ERC2: variants seen among roughly 807,000 people sequenced by gnomAD.
ERC2 encodes the protein ELKS/RAB6-interacting/CAST family member 2.
A neutral mutation model predicts 114.8 loss-of-function variants in ERC2; 42 were observed. The observed-to-expected ratio is 0.37, with a 90% CI of 0.29 to 0.47. The LOEUF (loss-of-function observed/expected upper bound fraction) is 0.47, where lower values mean the gene tolerates loss of function less well. ERC2 is among the 20% of genes least tolerant of loss of function. ERC2 has a pLI of 0.99. For missense variants in ERC2, 939 were observed against 1,150.7 expected, an observed-to-expected ratio of 0.82 and a Z score of 2.66; for synonymous variants, 454 against 425.5, an observed-to-expected ratio of 1.07 and a Z score of -0.82.
At chr3:55,777,243 G>C (rs775975663) in intron 14 of ERC2, among the ~76,000 whole-genome samples, 1 of 152,024 alleles carries the variant, frequency 6.6e-6, no homozygotes, top group Admixed American at 6.5e-5. Flanking sequence ...TGTGGCATCT[G>C]AGGGCCCATG....
intron 10 of ERC2, among the ~76,000 whole-genome samples, chr3:56,002,577 A>C (rs765492680): frequency 6.6e-6 from 1 of 152,136 alleles, no homozygotes; most frequent in Non-Finnish European, 1.5e-5. Context: ...TGTTATTAGG[A>C]GACTATATTA....
At chr3:55,883,910 CA>C (rs2063237652) in intron 14 of ERC2, among the ~76,000 whole-genome samples, 1 of 151,658 alleles carries the variant, frequency 6.6e-6, no homozygotes, top group African/African-American at 2.4e-5. Flanking sequence ...ACAACAACAA[CA>C]ACAACAACAA....
intron 17 of ERC2, among the ~76,000 whole-genome samples, chr3:55,592,399 C>A (rs562610420): frequency 1.3e-5 from 2 of 152,266 alleles, no homozygotes; most frequent in South Asian, 2.1e-4. Context: ...CTCCCCTCTG[C>A]CCTCTCCTTC....
intron 15 of ERC2, among the ~76,000 whole-genome samples, chr3:55,721,885 C>T (rs1195417171): frequency 1.3e-5 from 2 of 152,176 alleles, no homozygotes; most frequent in Non-Finnish European, 2.9e-5. Flanking sequence ...TGGCCCAGAG[C>T]CACCTTTCTG....
chr3:55,930,752 A>G (rs1052521002), intron 13 of ERC2, among the ~76,000 whole-genome samples: 1 of 152,234 alleles, frequency 6.6e-6, no homozygotes, highest in Non-Finnish European at 1.5e-5. Flanking sequence ...AAATTGACAA[A>G]TGGGATCTAA....
At chr3:56,190,504 G>C (rs1201599450) in intron 3 of ERC2, among the ~76,000 whole-genome samples, 1 of 152,178 alleles carries the variant, frequency 6.6e-6, no homozygotes, top group Non-Finnish European at 1.5e-5. Flanking sequence ...TGCAATCATA[G>C]CTCACTGCAG....
At chr3:55,768,326 C>T (rs888552369) in intron 14 of ERC2, among the ~76,000 whole-genome samples, 3 of 152,310 alleles carry the variant, frequency 2.0e-5, no homozygotes, top group Middle Eastern at 3.4e-3. Flanking sequence ...ATCCATAAGT[C>T]AGTGCCTTCA....
At chr3:56,148,432 C>T (rs2081255922) in intron 5 of ERC2, among the ~76,000 whole-genome samples, 1 of 152,098 alleles carries the variant, frequency 6.6e-6, no homozygotes, top group Admixed American at 6.5e-5. Flanking sequence ...ATTACAGGTG[C>T]ATGTCACCAT....
At chr3:55,602,550 C>T (rs2058451731) in intron 17 of ERC2, among the ~76,000 whole-genome samples, 1 of 152,214 alleles carries the variant, frequency 6.6e-6, no homozygotes, top group Admixed American at 6.5e-5. Flanking sequence ...ATCTCAGTCT[C>T]TGCAGGAGAA....
chr3:55,734,861 T>C lies in ERC2; in HGVS notation c.2622A>G (p.Glu874=). ...TCTTTTTCTTTTTGGAGGCAGACAA[T>C]TCCAGCAAGGCAATGTTTGCATCTT... is the stretch of plus-strand genomic sequence containing the variant. ...SEKDANIALL[E]LSASKKKKTQ... is the part of the protein sequence containing the mutation. The change falls in exon 15 of 18, where the codon GAA becomes GAG. Residue 874 remains glutamate, a synonymous_variant. Transcript: ENST00000288221. 6.2e-7 allele frequency: 1 copy of C among 1,612,452 alleles called. No individual in the cohort carries two copies. The highest frequency in any genetic ancestry group is 8.5e-7 in the Non-Finnish European group (1 of 1,179,188).
intron 14 of ERC2, among the ~76,000 whole-genome samples, chr3:55,740,980 T>G (rs1191093349): frequency 6.6e-6 from 1 of 152,074 alleles, no homozygotes; most frequent in Non-Finnish European, 1.5e-5. Context: ...TTCCAAAATC[T>G]GAAAAAAATA....
intron 3 of ERC2, among the ~76,000 whole-genome samples, chr3:56,205,704 G>A (rs114948273): frequency 8.3e-4 from 126 of 152,280 alleles, no homozygotes; most frequent in African/African-American, 3.0e-3. Flanking sequence ...AAAAGGCAGA[G>A]GGAACACCCA....
chr3:55,776,902 G>A (rs79389315), intron 14 of ERC2, among the ~76,000 whole-genome samples: 5,328 of 152,176 alleles, frequency 0.035, 319 homozygotes, highest in African/African-American at 0.12. Context: ...TAGTTTTTCC[G>A]TGAATGTGAT....
At chr3:55,734,959 A>T in intron 14 of ERC2, 41 bp from the exon 15 acceptor site, 1 of 1,474,372 alleles carries the variant, frequency 6.8e-7, no homozygotes, top group African/African-American at 1.4e-5. Flanking sequence ...TTGTAAAATA[A>T]AAAAAAAAAC....
intron 17 of ERC2, among the ~76,000 whole-genome samples, chr3:55,549,920 C>T (rs1242993980): frequency 1.6e-5 from 2 of 123,558 alleles, no homozygotes; most frequent in Admixed American, 8.2e-5. Context: ...CCCCCCTCCC[C>T]GACACACACA....
intron 7 of ERC2, among the ~76,000 whole-genome samples, chr3:56,048,133 A>G (rs2075571689): frequency 6.6e-6 from 1 of 152,222 alleles, no homozygotes; most frequent in Non-Finnish European, 1.5e-5. Context: ...ATCTGCTCTC[A>G]ATACTTATGT....
At chr3:56,019,968 G>A (rs2073589958) in intron 7 of ERC2, among the ~76,000 whole-genome samples, 1 of 152,140 alleles carries the variant, frequency 6.6e-6, no homozygotes, top group Non-Finnish European at 1.5e-5. Flanking sequence ...CTTTCTCAGG[G>A]AATCATTCCA....
chr3:56,354,993 T>TA, intron 2 of ERC2, among the ~76,000 whole-genome samples: 1 of 152,212 alleles, frequency 6.6e-6, no homozygotes, highest in East Asian at 1.9e-4. Flanking sequence ...AATAGGGAGA[T>TA]ACAGAAACAT....
At chr3:55,728,219 G>A (rs1199060850) in intron 15 of ERC2, among the ~76,000 whole-genome samples, 1 of 152,146 alleles carries the variant, frequency 6.6e-6, no homozygotes, top group African/African-American at 2.4e-5. Flanking sequence ...TCAATGATGA[G>A]CAAAAACTCA....
Sources: allele counts gnomAD v4.1 joint callset (sites outside exome capture counted in the v4.1 genomes callset), GRCh38; gene constraint gnomAD v4.1.1; transcripts MANE v1.5; gene names NCBI Gene and HGNC (gene_info 2026-07-23, HGNC 2026-07-21).